RAPGEF4: variants seen among roughly 807,000 people sequenced by gnomAD.
The protein encoded by RAPGEF4 is RAP guanine-nucleotide-exchange factor (GEF) 4.
RAPGEF4 carries 66 observed loss-of-function variants against 147.9 expected under a neutral mutation model. That is an observed-to-expected ratio of 0.45 (90% CI 0.37 to 0.55). RAPGEF4 has a LOEUF of 0.55. Among genes scored for constraint, RAPGEF4 ranks in the 20% least tolerant of loss-of-function variants. RAPGEF4 has a pLI of 0.00. For missense variants in RAPGEF4, 1,071 were observed against 1,257.3 expected, an observed-to-expected ratio of 0.85 and a Z score of 2.24; for synonymous variants, 419 against 442.7, an observed-to-expected ratio of 0.95 and a Z score of 0.67.
intron 1 of RAPGEF4, among the ~76,000 whole-genome samples, chr2:172,773,366 C>T (rs912586533): frequency 2.6e-5 from 4 of 152,170 alleles, no homozygotes; most frequent in African/African-American, 9.7e-5. Context: ...TAATTAGGGA[C>T]AAATGGTTCA....
chr2:172,803,115 C>T (rs143649662), intron 3 of RAPGEF4, among the ~76,000 whole-genome samples: 1 of 152,260 alleles, frequency 6.6e-6, no homozygotes, highest in African/African-American at 2.4e-5. Context: ...GGTGGATCTA[C>T]CATTCTGGTA....
intron 6 of RAPGEF4, among the ~76,000 whole-genome samples, chr2:172,925,587 T>TAC (rs10534191): frequency 0.026 from 3,886 of 147,054 alleles, 159 homozygotes; most frequent in African/African-American, 0.089. Flanking sequence ...ACTCTGTCTG[T>TAC]ACACACACAC....
intron 11 of RAPGEF4, 58 bp from the exon 12 acceptor site, chr2:172,985,375 C>G (rs1021453433): frequency 1.9e-6 from 3 of 1,613,012 alleles, no homozygotes; most frequent in South Asian, 2.2e-5. Context: ...GAGTACAACC[C>G]TTTTCCACCC....
At chr2:173,003,038 G>A (rs1215839126) in intron 17 of RAPGEF4, among the ~76,000 whole-genome samples, 1 of 152,028 alleles carries the variant, frequency 6.6e-6, no homozygotes, top group Non-Finnish European at 1.5e-5. Context: ...TAGCAGATAA[G>A]CCTAAGGCAA....
chr2:172,832,419 TCTC>T (rs2149675081), intron 4 of RAPGEF4, among the ~76,000 whole-genome samples: 2 of 152,334 alleles, frequency 1.3e-5, no homozygotes, highest in African/African-American at 4.8e-5. Flanking sequence ...GATCTCTTGT[TCTC>T]CTCAGAGGAA....
At chr2:172,784,526 A>G (rs182604978) in intron 1 of RAPGEF4, among the ~76,000 whole-genome samples, 2,199 of 152,110 alleles carry the variant, frequency 0.014, 53 homozygotes, top group African/African-American at 0.051. Flanking sequence ...AAAAAAAAAA[A>G]AAAAGATCCC....
intron 17 of RAPGEF4, among the ~76,000 whole-genome samples, chr2:173,004,944 A>G (rs1339034804): frequency 6.6e-6 from 1 of 152,048 alleles, no homozygotes; most frequent in South Asian, 2.1e-4. Context: ...AGATGTTTCC[A>G]TAAACATTTA....
chr2:172,948,172 T>C (rs1687869241), intron 6 of RAPGEF4, among the ~76,000 whole-genome samples: 1 of 152,228 alleles, frequency 6.6e-6, no homozygotes. Flanking sequence ...CTGTTGGTGG[T>C]GGGCTATGGT....
At position 173,051,748 on chromosome 2, in the gene RAPGEF4, T is replaced by C. The variant is rs372917537; in HGVS notation, c.3017T>C (p.Leu1006Ser). The C allele has an allele frequency of 1.9e-6, 3 of 1,614,008 alleles. No homozygotes were observed. Among genetic ancestry groups the C allele is most frequent in the Middle Eastern group, 1.7e-4 (1 of 6,060 alleles). ...QRTLSQMSHRLEPRRP is the reference protein window; with the variant it reads ...QRTLSQMSHRSEPRRP ...ACTTTATCACAGATGTCACACAGATTAGAGCCTCGTCGACCATAGACATTT... is the reference window on the plus strand; with the variant it reads ...ACTTTATCACAGATGTCACACAGATCAGAGCCTCGTCGACCATAGACATTT... Residue 1006 changes from leucine (L) to serine (S), a missense_variant, in exon 31 of 31, where the codon TTA becomes TCA. Coordinates refer to ENST00000397081, the MANE Select transcript of RAPGEF4 (RefSeq NM_007023.4).
intron 4 of RAPGEF4, among the ~76,000 whole-genome samples, chr2:172,890,726 A>G (rs898287883): frequency 6.6e-6 from 1 of 152,194 alleles, no homozygotes; most frequent in Non-Finnish European, 1.5e-5. Context: ...ATTTCTTGCT[A>G]TTTCCTAGAC....
chr2:172,739,130 T>C (rs1182526696), intron 1 of RAPGEF4, among the ~76,000 whole-genome samples: 1 of 152,160 alleles, frequency 6.6e-6, no homozygotes, highest in Admixed American at 6.5e-5. Flanking sequence ...ATACTAATCT[T>C]AAAACCAGAA....
chr2:172,983,835 A>AGCCC (rs1445194731), intron 11 of RAPGEF4, among the ~76,000 whole-genome samples: 16 of 152,326 alleles, frequency 1.1e-4, no homozygotes, highest in Non-Finnish European at 4.4e-5. Flanking sequence ...TAGGGTTGGA[A>AGCCC]CATGGGCTTC....
At chr2:172,866,967 T>C (rs1016235156) in intron 4 of RAPGEF4, among the ~76,000 whole-genome samples, 1 of 151,382 alleles carries the variant, frequency 6.6e-6, no homozygotes, top group African/African-American at 2.4e-5. Context: ...TTTTTTTTTT[T>C]CTTGAGACAG....
At chr2:172,968,322 GTGTATTAGTCT>G (rs1690083691) in intron 10 of RAPGEF4, among the ~76,000 whole-genome samples, 2 of 152,154 alleles carry the variant, frequency 1.3e-5, no homozygotes, top group Admixed American at 6.5e-5. Context: ...GCCGACCTTG[GTGTATTAGTCT>G]TGTATTAGAC....
intron 1 of RAPGEF4, among the ~76,000 whole-genome samples, chr2:172,766,874 G>A (rs778836971): frequency 2.0e-5 from 3 of 152,148 alleles, no homozygotes; most frequent in Non-Finnish European, 4.4e-5. Context: ...TCCATTGCGT[G>A]CATATACACA....
At chr2:172,766,105 T>C (rs1173424154) in intron 1 of RAPGEF4, among the ~76,000 whole-genome samples, 1 of 152,220 alleles carries the variant, frequency 6.6e-6, no homozygotes, top group Non-Finnish European at 1.5e-5. Context: ...AAACAAGATA[T>C]CTTGCAGATT....
intron 12 of RAPGEF4, 105 bp from the exon 13 acceptor site, chr2:172,988,091 C>T (rs887516303): frequency 1.5e-5 from 21 of 1,393,986 alleles, no homozygotes; most frequent in Middle Eastern, 2.7e-4. Context: ...TCGAATTTTA[C>T]GTATGCATAT....
At chr2:172,849,729 T>G (rs959544023) in intron 4 of RAPGEF4, among the ~76,000 whole-genome samples, 4 of 152,242 alleles carry the variant, frequency 2.6e-5, no homozygotes, top group African/African-American at 9.6e-5. Flanking sequence ...CTTAGACCAC[T>G]AAGATCTCTT....
intron 12 of RAPGEF4, among the ~76,000 whole-genome samples, chr2:172,985,975 A>T (rs1293657544): frequency 1.3e-5 from 2 of 152,210 alleles, no homozygotes; most frequent in South Asian, 2.1e-4. Flanking sequence ...CTTTGCTTCA[A>T]ATACATATGC....
Sources: gnomAD v4.1 joint callset for allele counts (sites outside exome capture counted in the v4.1 genomes callset) on GRCh38, gnomAD v4.1.1 for gene constraint, MANE v1.5 for transcripts, NCBI Gene and HGNC (gene_info 2026-07-23, HGNC 2026-07-21) for gene names.